Variants in PGBD5 observed in about 807,000 individuals in gnomAD.
PGBD5 encodes piggyBac transposable element-derived protein 5.
A neutral mutation model predicts 47.9 loss-of-function variants in PGBD5; 14 were observed. The observed-to-expected ratio is 0.29, with a 90% CI of 0.19 to 0.46. The LOEUF is 0.46. Ranked by LOEUF, PGBD5 falls within the 20% of genes least tolerant of loss-of-function variation. PGBD5 has a pLI of 1.00. For missense variants in PGBD5, 635 were observed against 716.0 expected (o/e 0.89, Z 1.29); for synonymous variants, 316 against 306.3 (o/e 1.03, Z -0.33).
At chr1:230,389,046 G>A (rs1016751712) in intron 1 of PGBD5, among the ~76,000 whole-genome samples, 10 of 152,224 alleles carry the variant, frequency 6.6e-5, no homozygotes, top group African/African-American at 1.9e-4. Flanking sequence ...GGCTCAGACC[G>A]CTGCTGCAAG....
intron 3 of PGBD5, among the ~76,000 whole-genome samples, chr1:230,348,409 C>T (rs1667508020): frequency 6.6e-6 from 1 of 152,228 alleles, no homozygotes; most frequent in African/African-American, 2.4e-5. Context: ...AGGGGAGAAG[C>T]CAGCTCTGTG....
intron 3 of PGBD5, among the ~76,000 whole-genome samples, chr1:230,345,029 T>A (rs960191227): frequency 2.6e-5 from 4 of 152,212 alleles, no homozygotes; most frequent in African/African-American, 9.7e-5. Flanking sequence ...AACGTTGGTC[T>A]CATGCTGCAG....
At chr1:230,389,260 G>A (rs1656728943) in intron 1 of PGBD5, among the ~76,000 whole-genome samples, 1 of 151,088 alleles carries the variant, frequency 6.6e-6, no homozygotes, top group Non-Finnish European at 1.5e-5. Flanking sequence ...CGCAGCCTCT[G>A]CCTCCGGGTT....
intron 5 of PGBD5, among the ~76,000 whole-genome samples, chr1:230,326,757 G>A (rs1255560630): frequency 2.6e-5 from 4 of 152,072 alleles, no homozygotes; most frequent in South Asian, 2.1e-4. Context: ...TTACATGTGC[G>A]AGCCTCCACG....
chr1:230,420,241 A>G (rs887496468), intron 1 of PGBD5, among the ~76,000 whole-genome samples: 3 of 152,246 alleles, frequency 2.0e-5, no homozygotes, highest in Non-Finnish European at 2.9e-5. Flanking sequence ...AACAAAAGGG[A>G]ACCCTAGAGT....
intron 1 of PGBD5, among the ~76,000 whole-genome samples, chr1:230,398,228 A>T (rs1657048599): frequency 6.6e-6 from 1 of 152,210 alleles, no homozygotes; most frequent in African/African-American, 2.4e-5. Flanking sequence ...ATAACAAAGT[A>T]CCACAGAACG....
chr1:230,423,812 C>T (rs1657712572), intron 1 of PGBD5, among the ~76,000 whole-genome samples: 1 of 152,164 alleles, frequency 6.6e-6, no homozygotes, highest in African/African-American at 2.4e-5. Context: ...CCTGATTCTT[C>T]GGTCCAGGTG....
In PGBD5 at chr1:230,356,985, C is replaced by T. The variant is rs758677737; in HGVS notation, c.668G>A (p.Ser223Asn). 4.2e-5 allele frequency: 67 copies of T among 1,614,066 alleles called. No individual in the cohort carries two copies. The highest frequency in any genetic ancestry group is 5.3e-5 in the Non-Finnish European group (62 of 1,180,046). ...CTTGTAGAGCCCGTGCGTGGTCTGG[C>T]TGGAGCGGAAGGCCACGACGTGGAA... ...KYFHVVAFRS[S>N]QTTHGLYKVQ... Residue 223 changes from serine (S) to asparagine (N), a missense_variant, in exon 2 of 7, where the codon AGC (serine) becomes AAC (asparagine). By Grantham distance (46) the Ser-to-Asn change is conservative. Transcript: ENST00000391860.
chr1:230,401,404 G>A (rs1296006656), intron 1 of PGBD5, among the ~76,000 whole-genome samples: 2 of 152,196 alleles, frequency 1.3e-5, no homozygotes, highest in African/African-American at 2.4e-5. Context: ...TTCTCATGGG[G>A]AACTCCCAGC....
intron 5 of PGBD5, among the ~76,000 whole-genome samples, chr1:230,331,939 G>A (rs12141070): frequency 0.56 from 59,281 of 106,084 alleles, 12,851 homozygotes; most frequent in Non-Finnish European, 0.6. Context: ...TTAAGCTGGC[G>A]GGAGGTGAAG....
chr1:230,355,470 C>T (rs1158320453), intron 2 of PGBD5, among the ~76,000 whole-genome samples: 1 of 152,254 alleles, frequency 6.6e-6, no homozygotes, highest in Admixed American at 6.5e-5. Flanking sequence ...GTTTATTTTT[C>T]CCTTGCATCC....
At chr1:230,345,700 G>T (rs1183792630) in intron 3 of PGBD5, among the ~76,000 whole-genome samples, 1 of 152,206 alleles carries the variant, frequency 6.6e-6, no homozygotes, top group African/African-American at 2.4e-5. Context: ...TGCAATGCTG[G>T]GTGGTGGCAG....
intron 1 of PGBD5, among the ~76,000 whole-genome samples, chr1:230,408,008 G>A (rs1657333580): frequency 6.6e-6 from 1 of 152,290 alleles, no homozygotes; most frequent in Middle Eastern, 3.4e-3. Context: ...AGCTACTGCT[G>A]GAGAGAATGG....
chr1:230,351,043 C>T lies in PGBD5; in HGVS notation c.809G>A (p.Cys270Tyr). 1 of 1,614,010 alleles carries T rather than the reference C, an allele frequency of 6.2e-7. No homozygotes were observed. Residue 270 changes from cysteine (C) to tyrosine (Y), a missense_variant, in exon 3 of 7, where the codon TGC becomes TAC. Coordinates refer to ENST00000391860, the MANE Select transcript of PGBD5 (RefSeq NM_001258311.2). ...IDEDPVFIAT[C>Y]TERELRKRKK... ...CCTCTTTCGCAGCTCCCGCTCTGTG[C>T]ACGTGGCAATGAATACAGGATCCTC...
chr1:230,395,170 TCTC>T (rs1343014534), intron 1 of PGBD5, among the ~76,000 whole-genome samples: 1 of 30,482 alleles, frequency 3.3e-5, no homozygotes, highest in African/African-American at 1.4e-4. Flanking sequence ...CCTCCCCTCC[TCTC>T]CTCACACTCC....
At chr1:230,345,102 C>G (rs972832601) in intron 3 of PGBD5, among the ~76,000 whole-genome samples, 27 of 152,182 alleles carry the variant, frequency 1.8e-4, no homozygotes, top group African/African-American at 6.0e-4. Context: ...CTATACCATT[C>G]AAAAAAATTA....
intron 1 of PGBD5, among the ~76,000 whole-genome samples, chr1:230,396,414 T>G (rs545826108): frequency 1.1e-4 from 4 of 35,996 alleles, no homozygotes; most frequent in South Asian, 2.0e-3. Context: ...TCCACCCTCC[T>G]CCCCCATCCC....
chr1:230,409,282 C>T (rs1165340339), intron 1 of PGBD5, among the ~76,000 whole-genome samples: 1 of 152,190 alleles, frequency 6.6e-6, no homozygotes, highest in Non-Finnish European at 1.5e-5. Context: ...GGTACAGTCA[C>T]TTTGGAAAAC....
Position 230,337,135 on chromosome 1 carries a change from T to A in PGBD5, c.1048A>T (p.Thr350Ser), listed in dbSNP as rs756443630. Residue 350 changes from threonine (T) to serine (S), a missense_variant, in exon 4 of 7, where the codon ACG becomes TCG. Physicochemically the swap from Thr to Ser is moderately conservative, Grantham distance 58. Coordinates refer to ENST00000391860, the MANE Select transcript of PGBD5 (RefSeq NM_001258311.2). ...TGCTTCTCAAACTCTTCAAACAGCG[T>A]CAGGCTGGTGATGCTGGGCCCCGTG... The part of the protein sequence containing the change: ...IFTGPSITSL[T>S]LFEEFEKQGI... 6.2e-7 allele frequency: 1 copy of A among 1,614,000 alleles called. No individual in the cohort carries two copies. Among genetic ancestry groups the A allele is most frequent in the Non-Finnish European group, 8.5e-7 (1 of 1,180,014 alleles).
Sources: gnomAD v4.1 joint callset for allele counts (sites outside exome capture counted in the v4.1 genomes callset) on GRCh38, gnomAD v4.1.1 for gene constraint, MANE v1.5 for transcripts, NCBI Gene and HGNC (gene_info 2026-07-23, HGNC 2026-07-21) for gene names.